Variants in RBPJ observed in about 807,000 individuals in gnomAD.
The protein encoded by RBPJ is recombination signal binding protein for immunoglobulin kappa J region, also known as recombining binding protein suppressor of hairless.
A neutral mutation model predicts 67.8 loss-of-function variants in RBPJ; 9 were observed. The ratio of observed to expected loss-of-function variants is 0.13; its 90% CI spans 0.08 to 0.23. The LOEUF is 0.23. RBPJ is among the 10% of genes least tolerant of loss of function. RBPJ has a pLI of 1.00. For missense variants in RBPJ, 305 were observed against 595.6 expected, an observed-to-expected ratio of 0.51 and a Z score of 5.08; for synonymous variants, 198 against 203.3, an observed-to-expected ratio of 0.97 and a Z score of 0.22.
chr4:26,187,210 A>G (rs1717300595), intron 1 of RBPJ, among the ~76,000 whole-genome samples: 1 of 152,250 alleles, frequency 6.6e-6, no homozygotes, highest in Non-Finnish European at 1.5e-5. Context: ...CAACAGAGTG[A>G]GACCCTGTCT....
chr4:26,426,514 G>A (rs1309264307), intron 7 of RBPJ, among the ~76,000 whole-genome samples: 1 of 152,132 alleles, frequency 6.6e-6, no homozygotes, highest in African/African-American at 2.4e-5. Context: ...CTTTCCAGGG[G>A]TTTCATGACA....
At chr4:26,109,584 T>C in the RBPJ span, among the ~76,000 whole-genome samples, 1 of 69,630 alleles carries the variant, frequency 1.4e-5, no homozygotes, top group Non-Finnish European at 3.0e-5. Context: ...TCTCTCTATA[T>C]ATATATATAT....
chr4:26,126,916 G>A, the RBPJ span, among the ~76,000 whole-genome samples: 1 of 152,212 alleles, frequency 6.6e-6, no homozygotes, highest in Non-Finnish European at 1.5e-5. Flanking sequence ...GAACTTCATG[G>A]ACTGAGCTTA....
intron 1 of RBPJ, among the ~76,000 whole-genome samples, chr4:26,241,643 C>A (rs929757473): frequency 6.6e-6 from 1 of 152,006 alleles, no homozygotes; most frequent in Non-Finnish European, 1.5e-5. Context: ...TCCCAAGTAG[C>A]TGAGACTACA....
chr4:26,428,896 A>G (rs1342771523), intron 8 of RBPJ, 36 bp downstream of exon 8: 5 of 1,540,168 alleles, frequency 3.2e-6, no homozygotes, highest in Non-Finnish European at 2.7e-6. Context: ...TCTAAAATGT[A>G]CAAACTGTGA....
At chr4:26,247,360 T>A (rs1719961733) in intron 1 of RBPJ, among the ~76,000 whole-genome samples, 1 of 152,184 alleles carries the variant, frequency 6.6e-6, no homozygotes, top group South Asian at 2.1e-4. Flanking sequence ...ATAGTATTGC[T>A]TTCTTCATAT....
upstream of RBPJ, among the ~76,000 whole-genome samples, chr4:26,317,515 A>G (rs981174083): frequency 1.3e-5 from 2 of 152,114 alleles, no homozygotes; most frequent in African/African-American, 2.4e-5. Flanking sequence ...TGAAATGGGA[A>G]AGTCATGGAG....
intron 1 of RBPJ, among the ~76,000 whole-genome samples, chr4:26,251,007 C>T (rs958656393): frequency 3.9e-5 from 6 of 152,092 alleles, no homozygotes; most frequent in African/African-American, 9.7e-5. Context: ...CTAGGGTAGA[C>T]GTAGTGTTGT....
chr4:26,232,931 A>G (rs1719338410), intron 1 of RBPJ, among the ~76,000 whole-genome samples: 1 of 152,218 alleles, frequency 6.6e-6, no homozygotes, highest in Non-Finnish European at 1.5e-5. Flanking sequence ...ATGTTCCTAA[A>G]CACCATCTAA....
the RBPJ span, among the ~76,000 whole-genome samples, chr4:26,146,979 C>A: frequency 2.0e-5 from 3 of 152,200 alleles, no homozygotes; most frequent in East Asian, 3.8e-4. Flanking sequence ...AGGAAAGGAA[C>A]AACGGCTCCG....
At chr4:26,403,015 A>C (rs913552372) in intron 2 of RBPJ, among the ~76,000 whole-genome samples, 3 of 152,196 alleles carry the variant, frequency 2.0e-5, no homozygotes, top group Admixed American at 2.0e-4. Flanking sequence ...TTAGTGTGAG[A>C]GCCTTTTTAT....
intron 1 of RBPJ, among the ~76,000 whole-genome samples, chr4:26,383,305 A>G (rs1730506613): frequency 6.6e-6 from 1 of 152,232 alleles, no homozygotes; most frequent in Non-Finnish European, 1.5e-5. Flanking sequence ...AGCATCAAGG[A>G]GCAAAATTTA....
At chr4:26,331,671 C>T (rs541195589) in intron 1 of RBPJ, among the ~76,000 whole-genome samples, 2 of 152,324 alleles carry the variant, frequency 1.3e-5, no homozygotes, top group South Asian at 4.1e-4. Flanking sequence ...GTGGCCTCTT[C>T]AGGAACATAG....
At chr4:26,128,623 T>C in the RBPJ span, among the ~76,000 whole-genome samples, 1 of 152,236 alleles carries the variant, frequency 6.6e-6, no homozygotes, top group South Asian at 2.1e-4. Context: ...CAGTATGATA[T>C]ACAATATACA....
intron 1 of RBPJ, among the ~76,000 whole-genome samples, chr4:26,231,186 A>G (rs753592335): frequency 1.6e-4 from 25 of 152,320 alleles, no homozygotes; most frequent in Admixed American, 1.2e-3. Flanking sequence ...CCATAAAACC[A>G]TAGGAGAAAG....
intron 1 of RBPJ, among the ~76,000 whole-genome samples, chr4:26,291,349 A>G (rs573963354): frequency 1.5e-5 from 2 of 134,992 alleles, no homozygotes; most frequent in East Asian, 4.4e-4. Flanking sequence ...AGAAAACTTC[A>G]AAATTTGGGA....
rs571561066 is a variant in RBPJ at position 26,269,103 on chromosome 4, G to A, written c.-166-93343G>A. ...TCACTGAGCCCCACTTCAGCTAGCT[G>A]GAAAACAGTGCTGTTGAAAGCACTT... On this transcript the variant is annotated intron_variant, in intron 1 of 4. Transcript: ENST00000512351. 1.4e-3 allele frequency among the ~76,000 whole-genome samples: 217 copies of A among 152,188 alleles called. 3 individuals are homozygous for A. Among genetic ancestry groups the A allele is most frequent in the African/African-American group, 5.1e-3 (210 of 41,526 alleles).
intron 2 of RBPJ, among the ~76,000 whole-genome samples, chr4:26,391,808 G>A (rs1266502865): frequency 6.6e-6 from 1 of 152,232 alleles, no homozygotes; most frequent in Non-Finnish European, 1.5e-5. Flanking sequence ...TAAGACTACA[G>A]TGAGTGTGTT....
chr4:26,335,850 TC>T (rs1422087133), intron 1 of RBPJ, among the ~76,000 whole-genome samples: 3 of 146,522 alleles, frequency 2.0e-5, no homozygotes, highest in South Asian at 4.4e-4. Flanking sequence ...GTCTCGAACT[TC>T]TGACCTTGTG....
Sources: allele counts gnomAD v4.1 joint callset (sites outside exome capture counted in the v4.1 genomes callset), GRCh38; gene constraint gnomAD v4.1.1; transcripts MANE v1.5; gene names NCBI Gene and HGNC (gene_info 2026-07-23, HGNC 2026-07-21).